Variants in COX10 observed in about 807,000 individuals in gnomAD.
The protein encoded by COX10 is cytochrome c oxidase assembly factor heme A:farnesyltransferase COX10, also known as protoheme IX farnesyltransferase, mitochondrial.
Under a neutral mutation model 37.3 loss-of-function variants are expected in COX10, and 27 were observed. That is an observed-to-expected ratio of 0.72 (90% CI 0.53 to 1.00). COX10 has a LOEUF of 1.00. Ranked by LOEUF, COX10 falls within the 50% of genes least tolerant of loss-of-function variation. COX10 has a pLI of 0.00. For synonymous variants in COX10, 222 were observed against 229.1 expected (o/e 0.97, Z 0.28); for missense variants, 475 against 563.2 (o/e 0.84, Z 1.59).
Position 14,207,258 on chromosome 17 carries a change from A to T in COX10, c.*45A>T. 1 of 1,508,864 alleles carries T rather than the reference A, an allele frequency of 6.6e-7. No homozygotes were observed. The highest frequency in any genetic ancestry group is 8.8e-7 in the Non-Finnish European group (1 of 1,132,682). The allele number at this position is 1,508,864 out of a possible 1,614,324, so 93.5% of individuals were successfully genotyped here. On this transcript the variant is annotated 3_prime_UTR_variant, in exon 7 of 7. Coordinates refer to ENST00000261643, the MANE Select transcript of COX10 (RefSeq NM_001303.4). ...GCCCCTTTCCCTCCGCTGCCAGGCGAGCATGTTGTGGTAATTCTGGAACAC... is the reference window on the plus strand; with the variant it reads ...GCCCCTTTCCCTCCGCTGCCAGGCGTGCATGTTGTGGTAATTCTGGAACAC...
chr17:14,175,146 A>G (rs1447467703), intron 5 of COX10, among the ~76,000 whole-genome samples: 2 of 127,394 alleles, frequency 1.6e-5, no homozygotes, highest in African/African-American at 5.6e-5. Context: ...CTTTTTGAAA[A>G]GATAAATTTA....
At chr17:14,142,533 G>A (rs556107638) in intron 4 of COX10, among the ~76,000 whole-genome samples, 9 of 152,166 alleles carry the variant, frequency 5.9e-5, no homozygotes, top group Non-Finnish European at 1.3e-4. Flanking sequence ...TTTGGCAGAA[G>A]AGTTAGAAAT....
At chr17:14,195,679 A>G (rs1185145833) in intron 6 of COX10, among the ~76,000 whole-genome samples, 1 of 152,202 alleles carries the variant, frequency 6.6e-6, no homozygotes, top group Admixed American at 6.5e-5. Context: ...TGGTTTGCAA[A>G]CTTCAGAGAA....
rs1906779877 is a variant in COX10 at position 14,208,626 on chromosome 17, T to G, written c.*1413T>G. The G allele has an allele frequency of 6.6e-6, 1 of 152,210 alleles. No homozygotes were observed. The highest frequency in any genetic ancestry group is 2.4e-5 in the African/African-American group (1 of 41,452). The allele number at this position is 152,210 out of a possible 1,614,324, so 9.4% of individuals were successfully genotyped here. On this transcript the variant is annotated 3_prime_UTR_variant, in exon 7 of 7. Coordinates refer to ENST00000261643, the MANE Select transcript of COX10 (RefSeq NM_001303.4). ...TACAACTTGTTACAGCCTTCACATT[T>G]GTACAATTCATTGATTCTCTTTTCC...
At chr17:14,136,046 G>T (rs558305221) in intron 4 of COX10, among the ~76,000 whole-genome samples, 1 of 151,908 alleles carries the variant, frequency 6.6e-6, no homozygotes, top group African/African-American at 2.4e-5. Flanking sequence ...GAGAACATTG[G>T]CATCAAACAA....
chr17:14,193,442 T>C (rs554846611), intron 6 of COX10, among the ~76,000 whole-genome samples: 1 of 151,298 alleles, frequency 6.6e-6, no homozygotes, highest in African/African-American at 2.4e-5. Context: ...GGAGTCCTCC[T>C]TCATACAGTG....
intron 3 of COX10, among the ~76,000 whole-genome samples, chr17:14,083,153 G>A (rs1678058292): frequency 6.6e-6 from 1 of 152,182 alleles, no homozygotes; most frequent in Non-Finnish European, 1.5e-5. Context: ...AGGTCCCAGG[G>A]CAGTAAATTT....
At chr17:14,081,240 T>G (rs1915286711) in intron 3 of COX10, among the ~76,000 whole-genome samples, 1 of 152,160 alleles carries the variant, frequency 6.6e-6, no homozygotes, top group Non-Finnish European at 1.5e-5. Flanking sequence ...CACAGACTAG[T>G]GAGAGCCAAG....
intron 4 of COX10, among the ~76,000 whole-genome samples, chr17:14,128,288 G>GT (rs1311534069): frequency 4.6e-5 from 7 of 150,864 alleles, no homozygotes; most frequent in Non-Finnish European, 8.9e-5. Context: ...TTCAGCAGCA[G>GT]TTTTTTTTTA....
At chr17:14,074,865 C>CT (rs1915105746) in intron 2 of COX10, among the ~76,000 whole-genome samples, 1 of 152,120 alleles carries the variant, frequency 6.6e-6, no homozygotes, top group Non-Finnish European at 1.5e-5. Context: ...ATTTAAAAGT[C>CT]TTTTTTAACA....
chr17:14,141,445 C>T (rs1198746080), intron 4 of COX10, among the ~76,000 whole-genome samples: 5 of 140,026 alleles, frequency 3.6e-5, no homozygotes, highest in African/African-American at 1.3e-4. Flanking sequence ...GGTAGGATGG[C>T]ATAGAGTCCA....
intron 4 of COX10, among the ~76,000 whole-genome samples, chr17:14,151,526 AACACACACACACAC>A (rs58412592): frequency 0.02 from 2,834 of 144,712 alleles, 75 homozygotes; most frequent in African/African-American, 0.062. Flanking sequence ...TTCCTGAACT[AACACACACACACAC>A]ACACACACAC....
chr17:14,204,474 C>T (rs1906635905), intron 6 of COX10, among the ~76,000 whole-genome samples: 1 of 152,032 alleles, frequency 6.6e-6, no homozygotes, highest in South Asian at 2.1e-4. Context: ...CTCTCCTCCC[C>T]TCCTTATTTA....
chr17:14,159,373 A>G (rs915350663), intron 4 of COX10, among the ~76,000 whole-genome samples: 1 of 152,200 alleles, frequency 6.6e-6, no homozygotes, highest in Non-Finnish European at 1.5e-5. Context: ...TAATGCTTCA[A>G]ACCTGAAACT....
At chr17:14,102,359 C>A in intron 4 of COX10, 117 bp downstream of exon 4, 1 of 1,435,118 alleles carries the variant, frequency 7.0e-7, no homozygotes, top group Non-Finnish European at 9.7e-7. Context: ...ATTTGTAACA[C>A]TATATATCCT....
intron 3 of COX10, among the ~76,000 whole-genome samples, chr17:14,097,370 A>G (rs1300450008): frequency 6.6e-6 from 1 of 151,730 alleles, no homozygotes; most frequent in Non-Finnish European, 1.5e-5. Context: ...CTCTCTAGTA[A>G]TAGTTGTTAT....
chr17:14,070,057 T>A (rs1914979712), intron 1 of COX10, among the ~76,000 whole-genome samples: 1 of 152,198 alleles, frequency 6.6e-6, no homozygotes. Context: ...CTTGTTCCAA[T>A]ATAAAGGGTC....
At chr17:14,148,192 T>G (rs1365971976) in intron 4 of COX10, among the ~76,000 whole-genome samples, 1 of 152,174 alleles carries the variant, frequency 6.6e-6, no homozygotes, top group Non-Finnish European at 1.5e-5. Context: ...GTCACCACAT[T>G]GGGTGAAAAG....
intron 2 of COX10, 128 bp from the exon 3 acceptor site, chr17:14,076,606 AC>A (rs1355247525): frequency 1.2e-6 from 1 of 839,638 alleles, no homozygotes; most frequent in Non-Finnish European, 2.0e-6. Flanking sequence ...TGCCGAATTA[AC>A]AGATATTAAA....
Sources: allele counts gnomAD v4.1 joint callset (sites outside exome capture counted in the v4.1 genomes callset), GRCh38; gene constraint gnomAD v4.1.1; transcripts MANE v1.5; gene names NCBI Gene and HGNC (gene_info 2026-07-23, HGNC 2026-07-21).